UBR3: variants seen among roughly 807,000 people sequenced by gnomAD.
UBR3 encodes the protein ubiquitin protein ligase E3 component n-recognin 3.
UBR3 carries 85 observed loss-of-function variants against 243.2 expected under a neutral mutation model. The observed-to-expected ratio is 0.35, with a 90% CI of 0.29 to 0.42. The LOEUF (loss-of-function observed/expected upper bound fraction) is 0.42. UBR3 is among the 10% of genes least tolerant of loss of function. The probability of loss-of-function intolerance (pLI) is 1.00; values close to 1 mark genes in which losing one functional copy is unlikely to be tolerated. For synonymous variants in UBR3, 748 were observed against 799.8 expected (o/e 0.94, Z 1.09); for missense variants, 1,686 against 2,300.8 (o/e 0.73, Z 5.47).
chr2:169,958,036 G>A (rs1042416151), intron 23 of UBR3, among the ~76,000 whole-genome samples: 1 of 152,104 alleles, frequency 6.6e-6, no homozygotes, highest in Admixed American at 6.6e-5. Context: ...AAACATCATA[G>A]CTTCTTCTAG....
intron 25 of UBR3, 35 bp from the exon 26 acceptor site, chr2:169,994,288 A>G (rs779246185): frequency 6.8e-6 from 11 of 1,611,374 alleles, no homozygotes; most frequent in Middle Eastern, 1.6e-4. Flanking sequence ...GGCACTGATT[A>G]TTTTTGATTA....
intron 26 of UBR3, among the ~76,000 whole-genome samples, chr2:169,997,571 A>C (rs925430019): frequency 6.6e-6 from 1 of 151,996 alleles, no homozygotes; most frequent in Non-Finnish European, 1.5e-5. Flanking sequence ...TCCGCTACCC[A>C]CAGCTCTGTG....
intron 1 of UBR3, among the ~76,000 whole-genome samples, chr2:169,844,002 C>G (rs938495502): frequency 7.9e-6 from 1 of 126,296 alleles, no homozygotes; most frequent in Admixed American, 8.5e-5. Flanking sequence ...TCTTTTTTCT[C>G]TTTACTTTTT....
intron 24 of UBR3, among the ~76,000 whole-genome samples, chr2:169,969,103 A>G (rs1319976092): frequency 1.3e-5 from 2 of 152,112 alleles, no homozygotes; most frequent in East Asian, 1.9e-4. Flanking sequence ...CCTTTGTCCC[A>G]TGGATAGTTT....
In UBR3 at chr2:169,835,993, G is replaced by GTC. The variant is rs577838877; in HGVS notation, c.545+7991_545+7992dup. Among the ~76,000 whole-genome samples the GTC allele has an allele frequency of 1.7e-3, 51 of 30,722 alleles. 1 individual carries two copies. The highest frequency in any genetic ancestry group is 5.3e-3 in the African/African-American group (49 of 9,194). 20.2% of individuals were successfully genotyped at this position (30,722 alleles called of 152,430 possible). A position where few individuals can be genotyped will look rare whatever the true frequency, so the allele number is the denominator to read the frequency against. On this transcript the variant is annotated intron_variant, in intron 1 of 38. Transcript: ENST00000272793. ...TTTTCCTGAAATTCCTGTGTGCACT[G>GTC]TCTCTCTCTCTCTCTCTCTCTCTCT... is the stretch of plus-strand genomic sequence containing the variant.
In UBR3 at chr2:169,942,558, A is replaced by C. The variant is rs1484261784; in HGVS notation, c.2729A>C (p.His910Pro). 5.2e-6 allele frequency: 8 copies of C among 1,550,700 alleles called. No homozygotes were observed. In the South Asian group the frequency reaches 9.5e-5, roughly 18 times the overall value. ...WPPYKKRTSLHPSYKGLMRLL... is the reference protein window; with the variant it reads ...WPPYKKRTSLPPSYKGLMRLL... Reference sequence around the variant, plus strand: ...CCATATAAGAAAAGGACATCACTCCATCCTAGCTATAAAGGTCTTATGAGA... The same window carrying C: ...CCATATAAGAAAAGGACATCACTCCCTCCTAGCTATAAAGGTCTTATGAGA... Residue 910 changes from histidine (H) to proline (P), a missense_variant, in exon 20 of 39, where the codon CAT becomes CCT. Coordinates refer to ENST00000272793, the MANE Select transcript of UBR3 (RefSeq NM_172070.4).
At chr2:169,877,359 C>A in intron 3 of UBR3, 135 bp from the exon 4 acceptor site, 1 of 701,212 alleles carries the variant, frequency 1.4e-6, no homozygotes. Context: ...TTATTTGAAG[C>A]TATCTTATAT....
At chr2:170,011,164 C>A (rs1346844919) in intron 29 of UBR3, among the ~76,000 whole-genome samples, 1 of 151,850 alleles carries the variant, frequency 6.6e-6, no homozygotes, top group Non-Finnish European at 1.5e-5. Flanking sequence ...CAGAGCAAAA[C>A]CCTGTCTAAA....
intron 8 of UBR3, among the ~76,000 whole-genome samples, chr2:169,899,014 T>C (rs186508800): frequency 1.9e-3 from 293 of 151,580 alleles, no homozygotes; most frequent in African/African-American, 5.8e-3. Context: ...GTTTCACTCT[T>C]GTTGCCTAGG....
chr2:169,850,965 G>A (rs551596649), intron 1 of UBR3, among the ~76,000 whole-genome samples: 82 of 152,112 alleles, frequency 5.4e-4, no homozygotes, highest in African/African-American at 1.9e-3. Flanking sequence ...GTGGGTACTT[G>A]GTTACATTTC....
chr2:170,005,245 C>A (rs1193155817), intron 27 of UBR3, among the ~76,000 whole-genome samples: 1 of 151,990 alleles, frequency 6.6e-6, no homozygotes, highest in African/African-American at 2.4e-5. Flanking sequence ...AACAAAAAAA[C>A]CGGGAAAACC....
intron 25 of UBR3, among the ~76,000 whole-genome samples, chr2:169,989,765 C>G (rs567964202): frequency 6.6e-6 from 1 of 152,120 alleles, no homozygotes; most frequent in Non-Finnish European, 1.5e-5. Flanking sequence ...TTAGTACTTT[C>G]AGGTATCATT....
At chr2:169,920,666 C>T (rs1477791364) in intron 11 of UBR3, among the ~76,000 whole-genome samples, 1 of 152,080 alleles carries the variant, frequency 6.6e-6, no homozygotes, top group Non-Finnish European at 1.5e-5. Flanking sequence ...TTATAGTTGC[C>T]TAACGTTACC....
intron 17 of UBR3, among the ~76,000 whole-genome samples, chr2:169,928,196 C>A (rs73015758): frequency 0.044 from 6,629 of 152,106 alleles, 167 homozygotes; most frequent in Middle Eastern, 0.068. Flanking sequence ...AGAGTAAAAA[C>A]GATCTCTGTG....
intron 23 of UBR3, among the ~76,000 whole-genome samples, chr2:169,953,094 G>C (rs2087112232): frequency 6.6e-6 from 1 of 152,080 alleles, no homozygotes; most frequent in Non-Finnish European, 1.5e-5. Context: ...TGTGATACTG[G>C]AGGACATAGT....
rs557521676 is a variant in UBR3, at chr2:169,895,931, A to T, written c.1237-576A>T. 2.6e-5 allele frequency among the ~76,000 whole-genome samples: 4 copies of T among 152,142 alleles called. No individual in the cohort carries two copies. The South Asian group carries it at 8.3e-4, about 32-fold the overall frequency. On this transcript the variant is annotated intron_variant, in intron 7 of 38. Transcript: ENST00000272793. ...TTAGGAGAGACACTTTGATAGTGTC[A>T]TTGTTTTGTGTGTCTTTATATCTGC...
intron 8 of UBR3, among the ~76,000 whole-genome samples, chr2:169,904,245 T>A (rs1159350626): frequency 6.6e-6 from 1 of 152,178 alleles, no homozygotes; most frequent in Non-Finnish European, 1.5e-5. Flanking sequence ...TGATCTAAAT[T>A]GTGTAATTAT....
chr2:170,035,353 C>G (rs1192120031), intron 31 of UBR3, among the ~76,000 whole-genome samples: 3 of 151,922 alleles, frequency 2.0e-5, no homozygotes, highest in African/African-American at 7.2e-5. Flanking sequence ...GGGCATAGGT[C>G]TTTGTCTAAA....
chr2:169,855,814 C>T (rs1003037205), intron 1 of UBR3, among the ~76,000 whole-genome samples: 6 of 152,244 alleles, frequency 3.9e-5, no homozygotes, highest in African/African-American at 1.2e-4. Context: ...ACTTTCTATT[C>T]GACAAAACCG....
Sources: gnomAD v4.1 joint callset for allele counts (sites outside exome capture counted in the v4.1 genomes callset) on GRCh38, gnomAD v4.1.1 for gene constraint, MANE v1.5 for transcripts, NCBI Gene and HGNC (gene_info 2026-07-23, HGNC 2026-07-21) for gene names.